Variants in AXL observed in about 807,000 individuals in gnomAD.
The protein encoded by AXL is AXL receptor tyrosine kinase.
In AXL, 52 loss-of-function variants were observed where a neutral mutation model predicts 104.5. The ratio of observed to expected loss-of-function variants is 0.50; its 90% confidence interval spans 0.40 to 0.63. The LOEUF is 0.63. Ranked by LOEUF, AXL falls within the 20% of genes least tolerant of loss-of-function variation. AXL has a pLI of 0.00. For synonymous variants in AXL, 455 were observed against 473.7 expected, an observed-to-expected ratio of 0.96 and a Z score of 0.51; for missense variants, 1,024 against 1,188.5, an observed-to-expected ratio of 0.86 and a Z score of 2.04.
intron 6 of AXL, among the ~76,000 whole-genome samples, chr19:41,237,704 A>T (rs1469366675): frequency 6.6e-6 from 1 of 152,196 alleles, no homozygotes; most frequent in African/African-American, 2.4e-5. Flanking sequence ...TGAGGCTCAG[A>T]GAGGGAAGAG....
At chr19:41,253,475 T>C in intron 16 of AXL, 124 bp from the exon 17 acceptor site, 2 of 719,748 alleles carry the variant, frequency 2.8e-6, no homozygotes, top group South Asian at 1.7e-5. Flanking sequence ...AGGGGTTGGG[T>C]TGAATTGTCA....
chr19:41,255,746 T>G (rs925480820), intron 17 of AXL, among the ~76,000 whole-genome samples: 5 of 151,740 alleles, frequency 3.3e-5, no homozygotes, highest in East Asian at 1.9e-4. Flanking sequence ...TGTTTTTTTT[T>G]TTGTTTGTTT....
intron 8 of AXL, among the ~76,000 whole-genome samples, chr19:41,238,850 A>C (rs1421233482): frequency 2.6e-5 from 4 of 152,098 alleles, no homozygotes; most frequent in Non-Finnish European, 5.9e-5. Context: ...TATTTACTAT[A>C]TAACGATTTT....
chr19:41,224,083 C>T (rs1182465522), intron 4 of AXL, among the ~76,000 whole-genome samples: 3 of 151,640 alleles, frequency 2.0e-5, no homozygotes, highest in Non-Finnish European at 4.4e-5. Flanking sequence ...AGGGGTTGCC[C>T]GTGTGTGGGT....
In AXL at chr19:41,260,371, G is replaced by A. The variant is rs1182736082; in HGVS notation, c.*467G>A. On this transcript the variant is annotated 3_prime_UTR_variant, in exon 20 of 20. Transcript: ENST00000301178. ...GTGTCACCCAGGCTGGAGTGCAGTG[G>A]TGCAATCTCGCCTCACTGCAACCTT... is the stretch of plus-strand genomic sequence containing the variant. 6.6e-6 allele frequency: 1 copy of A among 151,920 alleles called. No individual in the cohort carries two copies. Among genetic ancestry groups the A allele is most frequent in the East Asian group, 1.2e-4 (1 of 8,266 alleles). 9.4% of individuals were successfully genotyped at this position (151,920 alleles called of 1,614,324 possible).
intron 4 of AXL, among the ~76,000 whole-genome samples, chr19:41,222,414 C>T (rs970585310): frequency 2.6e-5 from 4 of 152,124 alleles, no homozygotes; most frequent in Non-Finnish European, 5.9e-5. Flanking sequence ...GGCTCGAGTG[C>T]GTGTGGGCCT....
chr19:41,253,850 G>A, intron 17 of AXL, 142 bp downstream of exon 17: 1 of 681,878 alleles, frequency 1.5e-6, no homozygotes, highest in Non-Finnish European at 2.6e-6. Flanking sequence ...GTCAGTAAGG[G>A]GGTCTGGGAA....
intron 4 of AXL, among the ~76,000 whole-genome samples, chr19:41,229,913 TAGTG>T (rs1370892781): frequency 6.6e-6 from 1 of 152,012 alleles, no homozygotes; most frequent in African/African-American, 2.4e-5. Flanking sequence ...CCTTGTGAGT[TAGTG>T]AGGGTGCCTG....
At position 41,222,105 on chromosome 19, in the gene AXL, T is replaced by C. The variant is rs370554073; in HGVS notation, c.586+49T>C. ...CTCCGAATAGGGGGCCGGGCAGGGC[T>C]GAAGTCAGGAGCAAGGGAACATTGC... On this transcript the variant is annotated intron_variant, in intron 4 of 19. Transcript: ENST00000301178. The C allele has an allele frequency of 3.4e-6, 5 of 1,456,816 alleles. No homozygotes were observed. The African/African-American group carries it at 7.2e-5, about 21-fold the overall frequency. 90.2% of individuals were successfully genotyped at this position (1,456,816 alleles called of 1,614,324 possible).
Position 41,259,536 on chromosome 19 carries a change from T to C in AXL, c.2334-17T>C. Reference sequence around the variant, plus strand: ...GAGTCCCTGCTCAATCTCCCACCCCTCATTTTGCTGCCCTAGGTATGCCTT... The same window carrying C: ...GAGTCCCTGCTCAATCTCCCACCCCCCATTTTGCTGCCCTAGGTATGCCTT... On this transcript the variant is annotated splice_polypyrimidine_tract_variant and intron_variant, in intron 19 of 19. Transcript: ENST00000301178. The C allele has an allele frequency of 6.4e-7, 1 of 1,567,602 alleles. No homozygotes were observed. The highest frequency in any genetic ancestry group is 8.7e-7 in the Non-Finnish European group (1 of 1,153,022).
chr19:41,247,174 T>C (rs2034285257), intron 12 of AXL, among the ~76,000 whole-genome samples: 1 of 152,234 alleles, frequency 6.6e-6, no homozygotes, highest in Admixed American at 6.5e-5. Flanking sequence ...TCATGTTCTG[T>C]TCTTGGCCTG....
chr19:41,258,091 C>T (rs1044812542), intron 19 of AXL, among the ~76,000 whole-genome samples: 2 of 152,238 alleles, frequency 1.3e-5, no homozygotes, highest in African/African-American at 4.8e-5. Context: ...TTTGCAGGAT[C>T]CTTCAGGGAA....
chr19:41,226,272 G>A (rs1194392267), intron 4 of AXL, among the ~76,000 whole-genome samples: 1 of 152,164 alleles, frequency 6.6e-6, no homozygotes, highest in East Asian at 1.9e-4. Flanking sequence ...GGCTTCTCCG[G>A]CCGGCGGCGC....
At chr19:41,241,255 A>G (rs1170055446) in intron 10 of AXL, among the ~76,000 whole-genome samples, 1 of 152,098 alleles carries the variant, frequency 6.6e-6, no homozygotes, top group East Asian at 1.9e-4. Flanking sequence ...TATGGAAACC[A>G]TTGTGGCCGG....
Position 41,219,625 on chromosome 19 carries a change from G to A in AXL, c.85+148G>A, listed in dbSNP as rs188658400. ...CAGAAAAGGGACTTCAAGGGAGGGA[G>A]ACACAGACTCAGAGACACCAAGTGC... On this transcript the variant is annotated intron_variant, in intron 1 of 19. Coordinates refer to ENST00000301178, the MANE Select transcript of AXL (RefSeq NM_021913.5). 8.5e-3 allele frequency: 7,536 copies of A among 886,836 alleles called. 63 individuals are homozygous for A. Among genetic ancestry groups the A allele is most frequent in the Non-Finnish European group, 9.0e-3 (5,236 of 581,886 alleles). The allele number at this position is 886,836 out of a possible 1,614,324, so 54.9% of individuals were successfully genotyped here.
Position 41,241,576 on chromosome 19 carries a change from A to G in AXL, c.1313-1307A>G, listed in dbSNP as rs188177172. Among the ~76,000 whole-genome samples the G allele has an allele frequency of 6.0e-3, 914 of 151,418 alleles. 9 individuals are homozygous for G. Among genetic ancestry groups the G allele is most frequent in the Middle Eastern group, 0.024 (7 of 294 alleles). ...AAAAAAAAAGAAAGAAAGAAAGAAA[A>G]AAAGAAAGAAAAGAAAAAGAAAAGA... On this transcript the variant is annotated intron_variant, in intron 10 of 19. Transcript: ENST00000301178.
At position 41,238,659 on chromosome 19, in the gene AXL, G is replaced by A. The variant is rs1190269204; in HGVS notation, c.1134+50G>A. Reference sequence around the variant, plus strand: ...GTGGAGTGGCTTGGGGAGGAGGGAGGAGAACATATCAGGGCAGACATAGAT... The same window carrying A: ...GTGGAGTGGCTTGGGGAGGAGGGAGAAGAACATATCAGGGCAGACATAGAT... On this transcript the variant is annotated intron_variant, in intron 8 of 19. Coordinates refer to ENST00000301178, the MANE Select transcript of AXL (RefSeq NM_021913.5). 1.9e-6 allele frequency: 3 copies of A among 1,565,322 alleles called. No individual in the cohort carries two copies. In the Admixed American group the frequency reaches 5.7e-5, roughly 30 times the overall value.
In AXL at chr19:41,223,192, G is replaced by A. The variant is rs191374301; in HGVS notation, c.586+1136G>A. On this transcript the variant is annotated intron_variant, in intron 4 of 19. Coordinates refer to ENST00000301178, the MANE Select transcript of AXL (RefSeq NM_021913.5). ...CATCTGTAGTCCCAGCTACTTGGGA[G>A]GCTGAGGCAGGAGAATCGCTTGAAC... is the stretch of plus-strand genomic sequence containing the variant. Among the ~76,000 whole-genome samples, 537 of 152,136 alleles carry A rather than the reference G, an allele frequency of 3.5e-3. 7 individuals carry two copies. The highest frequency in any genetic ancestry group is 0.012 in the African/African-American group (514 of 41,514).
In AXL at chr19:41,237,981, G is replaced by A. The variant is rs747220380; in HGVS notation, c.821G>A (p.Gly274Glu). Residue 274 changes from glycine to glutamate, a missense_variant, in exon 7 of 20, where the codon GGA becomes GAA. Around this residue, in one of 5 missense-constraint regions of AXL, gnomAD observed 332 missense variants for 343.9 expected, o/e 0.97. Coordinates refer to ENST00000301178, the MANE Select transcript of AXL (RefSeq NM_021913.5). ...LSDDGMGIQA[G>E]EPDPPEEPLT... ...GACGATGGGATGGGCATCCAGGCGG[G>A]AGAACCAGACCCCCCAGAGGAGCCC... is the stretch of plus-strand genomic sequence containing the variant. 238 of 1,613,782 alleles carry A rather than the reference G, an allele frequency of 1.5e-4. No homozygotes were observed. In the Middle Eastern group the frequency reaches 1.6e-3, roughly 11 times the overall value.
Sources: allele counts gnomAD v4.1 joint callset (sites outside exome capture counted in the v4.1 genomes callset), GRCh38; gene constraint gnomAD v4.1.1; regional missense constraint gnomAD v4.1.1; transcripts MANE v1.5; gene names NCBI Gene and HGNC (gene_info 2026-07-23, HGNC 2026-07-21).